CDKL2: variants seen among roughly 807,000 people sequenced by gnomAD.
CDKL2 encodes the protein cyclin dependent kinase like 2.
A neutral mutation model predicts 63.9 loss-of-function variants in CDKL2; 64 were observed. The observed-to-expected ratio is 1.00, with a 90% CI of 0.82 to 1.23. The LOEUF (loss-of-function observed/expected upper bound fraction) is 1.23, where lower values mean the gene tolerates loss of function less well. Among genes scored for constraint, CDKL2 ranks in the 50% most tolerant of loss-of-function variants. CDKL2 has a pLI of 0.00. For synonymous variants in CDKL2, 211 were observed against 229.2 expected (o/e 0.92, Z 0.72); for missense variants, 656 against 668.0 (o/e 0.98, Z 0.20).
rs371051920 is a variant in CDKL2 at position 75,615,035 on chromosome 4, T to C, written c.169-586A>G. 1.4e-4 allele frequency among the ~76,000 whole-genome samples: 19 copies of C among 134,242 alleles called. No homozygotes were observed. The East Asian group carries it at 2.0e-3, about 14-fold the overall frequency. The allele number at this position is 134,242 out of a possible 152,430, so 88.1% of individuals were successfully genotyped here. On this transcript the variant is annotated intron_variant, in intron 2 of 13. Coordinates refer to ENST00000307465, the MANE Select transcript of CDKL2 (RefSeq NM_001330724.2). ...AACTGAATGGCACCAAGAAACAGCA[T>C]TGGGGAAGGGCTGGATAAGGAATCA...
At chr4:75,586,382 C>T (rs1451627179) in intron 12 of CDKL2, among the ~76,000 whole-genome samples, 2 of 151,920 alleles carry the variant, frequency 1.3e-5, no homozygotes, top group South Asian at 2.1e-4. Flanking sequence ...CCTGCCACCA[C>T]GCCCAGCTAA....
chr4:75,589,467 G>A (rs886246033), intron 12 of CDKL2, among the ~76,000 whole-genome samples: 14 of 151,082 alleles, frequency 9.3e-5, no homozygotes, highest in Middle Eastern at 3.2e-3. Flanking sequence ...ACTACGCCCG[G>A]CTAATTTTTT....
intron 1 of CDKL2, among the ~76,000 whole-genome samples, chr4:75,627,428 C>T (rs575192530): frequency 4.0e-4 from 61 of 152,066 alleles, no homozygotes; most frequent in African/African-American, 1.3e-3. Context: ...TGAGCCACCA[C>T]ACCCGGGTAA....
In CDKL2 at chr4:75,603,943, T is replaced by G. The variant is rs1313325078; in HGVS notation, c.669A>C (p.Pro223=). 1 of 1,606,418 alleles carries G rather than the reference T, an allele frequency of 6.2e-7. No homozygotes were observed. The highest frequency in any genetic ancestry group is 2.2e-5 in the East Asian group (1 of 44,836). ...TTTTATTAAAAAGCTCCTGATGCCT[T>G]GGAATTAGATTACCTGGAAGTGAAA... ...HIMMCLGNLI[P]RHQELFNKNP... Residue 223 remains proline, a synonymous_variant, in exon 6 of 14, where the codon CCA becomes CCC. Coordinates refer to ENST00000307465, the MANE Select transcript of CDKL2 (RefSeq NM_001330724.2).
intron 12 of CDKL2, among the ~76,000 whole-genome samples, chr4:75,582,191 T>G (rs1336780735): frequency 6.6e-6 from 1 of 152,184 alleles, no homozygotes; most frequent in Non-Finnish European, 1.5e-5. Flanking sequence ...CTCTTCTACT[T>G]ATTACAAAAA....
chr4:75,593,989 C>A (rs1471109950), intron 10 of CDKL2, among the ~76,000 whole-genome samples: 1 of 152,092 alleles, frequency 6.6e-6, no homozygotes, highest in Non-Finnish European at 1.5e-5. Context: ...TTAATGCAAG[C>A]AGAGATAAGC....
At position 75,614,275 on chromosome 4, in the gene CDKL2, C is replaced by G; in HGVS notation, c.343G>C (p.Gly115Arg). 6.2e-7 allele frequency: 1 copy of G among 1,604,274 alleles called. No individual in the cohort carries two copies. Among genetic ancestry groups the G allele is most frequent in the Non-Finnish European group, 8.5e-7 (1 of 1,176,140 alleles). The change falls in exon 3 of 14, where the codon GGA becomes CGA. Residue 115 changes from glycine (G) to arginine (R), a missense_variant. By Grantham distance (125) the Gly-to-Arg change is moderately radical. Coordinates refer to ENST00000307465, the MANE Select transcript of CDKL2 (RefSeq NM_001330724.2). ...CTTACATTGTGACTGTGACAAAATCCAATTCCATTAATAATCTGAAACAAA... is the reference window on the plus strand; with the variant it reads ...CTTACATTGTGACTGTGACAAAATCGAATTCCATTAATAATCTGAAACAAA... ...KYLFQIINGI[G>R]FCHSHNIIHR...
intron 2 of CDKL2, among the ~76,000 whole-genome samples, chr4:75,625,207 A>C (rs1730345734): frequency 6.6e-6 from 1 of 152,198 alleles, no homozygotes. Context: ...CAAAAAGCAA[A>C]TATCAAGAAA....
intron 3 of CDKL2, among the ~76,000 whole-genome samples, chr4:75,611,458 CAAAAAAAAA>C (rs71203834): frequency 3.3e-4 from 25 of 76,732 alleles, no homozygotes; most frequent in Non-Finnish European, 5.2e-4. Context: ...GATTCTGTCT[CAAAAAAAAA>C]AAAAAAAAAA....
intron 3 of CDKL2, among the ~76,000 whole-genome samples, chr4:75,609,606 A>AAT (rs1167262072): frequency 2.0e-5 from 3 of 148,140 alleles, no homozygotes; most frequent in East Asian, 3.9e-4. Flanking sequence ...CATCTCAAAA[A>AAT]ATATATATAT....
chr4:75,604,123 T>C (rs1348230999), intron 5 of CDKL2, among the ~76,000 whole-genome samples, 167 bp from the exon 6 acceptor site: 1 of 152,230 alleles, frequency 6.6e-6, no homozygotes, highest in African/African-American at 2.4e-5. Flanking sequence ...TGGTGGTATA[T>C]GGCAGTCTTA....
intron 7 of CDKL2, among the ~76,000 whole-genome samples, chr4:75,598,571 T>G (rs1729040475): frequency 6.8e-6 from 1 of 147,988 alleles, no homozygotes; most frequent in Admixed American, 6.8e-5. Context: ...TAACCACACA[T>G]TCTCAGTTGC....
At chr4:75,619,255 T>C (rs1730055651) in intron 2 of CDKL2, among the ~76,000 whole-genome samples, 1 of 151,964 alleles carries the variant, frequency 6.6e-6, no homozygotes, top group Admixed American at 6.6e-5. Context: ...AAGGGATATG[T>C]TTAAACTAGC....
At chr4:75,598,610 T>A (rs1164954154) in intron 7 of CDKL2, among the ~76,000 whole-genome samples, 3 of 149,096 alleles carry the variant, frequency 2.0e-5, no homozygotes, top group African/African-American at 2.5e-5. Context: ...AAAAAGGCAG[T>A]CTTGCTTAAG....
In CDKL2 at chr4:75,607,098, G is replaced by T. The variant is rs1179675863; in HGVS notation, c.542+85C>A. On this transcript the variant is annotated intron_variant, in intron 4 of 13. Coordinates refer to ENST00000307465, the MANE Select transcript of CDKL2 (RefSeq NM_001330724.2). ...TCAAGCCTTCCTTTCAGTATTAGAG[G>T]GATCATTTACTATATCATAAACATA... is the stretch of plus-strand genomic sequence containing the variant. 29 of 1,093,656 alleles carry T rather than the reference G, an allele frequency of 2.7e-5. No individual in the cohort carries two copies. In the East Asian group the frequency reaches 4.3e-4, roughly 16 times the overall value. The allele number at this position is 1,093,656 out of a possible 1,614,324, so 67.7% of individuals were successfully genotyped here.
Position 75,576,802 on chromosome 4 carries a change from T to A in CDKL2, c.*2400A>T, listed in dbSNP as rs1216889594. 1.3e-5 allele frequency among the ~76,000 whole-genome samples: 2 copies of A among 152,220 alleles called. No individual in the cohort carries two copies. Among genetic ancestry groups the A allele is most frequent in the Admixed American group, 6.5e-5 (1 of 15,280 alleles). On this transcript the variant is annotated 3_prime_UTR_variant, in exon 14 of 14. Coordinates refer to ENST00000307465, the MANE Select transcript of CDKL2 (RefSeq NM_001330724.2). ...AAAGGAACCAATAATGAGAGTCACA[T>A]AAGAAAACACATTTTCTATGTTCCA... is the stretch of plus-strand genomic sequence containing the variant.
At chr4:75,583,653 G>A (rs1728351265) in intron 12 of CDKL2, among the ~76,000 whole-genome samples, 1 of 139,418 alleles carries the variant, frequency 7.2e-6, no homozygotes, top group Non-Finnish European at 1.6e-5. Flanking sequence ...CCAAAGCGGT[G>A]GAAGCCATGG....
chr4:75,599,203 AT>A (rs953140066), intron 7 of CDKL2, among the ~76,000 whole-genome samples: 4 of 152,342 alleles, frequency 2.6e-5, no homozygotes, highest in African/African-American at 9.6e-5. Flanking sequence ...ATGGATTTTA[AT>A]TTAACAAAGG....
At position 75,605,510 on chromosome 4, in the gene CDKL2, G is replaced by C; in HGVS notation, c.655+12C>G. ...AATCTCTAAAATTTAAAATGCAGAT[G>C]TGTAACCTTACCTAAACACATCATA... is the stretch of plus-strand genomic sequence containing the variant. On this transcript the variant is annotated intron_variant, in intron 5 of 13. Coordinates refer to ENST00000307465, the MANE Select transcript of CDKL2 (RefSeq NM_001330724.2). 1 of 1,462,470 alleles carries C rather than the reference G, an allele frequency of 6.8e-7. No homozygotes were observed. Among genetic ancestry groups the C allele is most frequent in the Non-Finnish European group, 9.5e-7 (1 of 1,047,924 alleles). 90.6% of individuals were successfully genotyped at this position (1,462,470 alleles called of 1,614,324 possible).
Sources: gnomAD v4.1 joint callset for allele counts (sites outside exome capture counted in the v4.1 genomes callset) on GRCh38, gnomAD v4.1.1 for gene constraint, MANE v1.5 for transcripts, NCBI Gene and HGNC (gene_info 2026-07-23, HGNC 2026-07-21) for gene names.